Variants in MACF1 observed in about 807,000 individuals in gnomAD.
MACF1 encodes microtubule-actin cross-linking factor 1.
In MACF1, 193 loss-of-function variants were observed where a neutral mutation model predicts 854.8. The ratio of observed to expected loss-of-function variants is 0.23; its 90% CI spans 0.20 to 0.25. The LOEUF (loss-of-function observed/expected upper bound fraction) is 0.25. Ranked by LOEUF, MACF1 falls within the 10% of genes least tolerant of loss-of-function variation. MACF1 has a pLI of 1.00. For synonymous variants in MACF1, 3,185 were observed against 3,226.7 expected (o/e 0.99, Z 0.44); for missense variants, 7,722 against 8,929.1 (o/e 0.86, Z 5.45).
intron 2 of MACF1, among the ~76,000 whole-genome samples, chr1:39,188,535 T>C (rs979707027): frequency 3.9e-5 from 6 of 152,186 alleles, no homozygotes; most frequent in Admixed American, 3.3e-4. Context: ...CAGTCTCCCA[T>C]CTGGGGGCCA....
intron 36 of MACF1, 36 bp from the exon 37 acceptor site, chr1:39,331,167 T>C: frequency 1.4e-6 from 2 of 1,458,602 alleles, no homozygotes; most frequent in Non-Finnish European, 1.8e-6. Context: ...TTTTCTTCTC[T>C]TTTCCTTTTT....
chr1:39,234,309 C>T (rs1256829929), intron 2 of MACF1, among the ~76,000 whole-genome samples: 5 of 152,018 alleles, frequency 3.3e-5, no homozygotes, highest in African/African-American at 9.7e-5. Context: ...GTTGGGCACA[C>T]CTCCCAGACG....
chr1:39,129,664 GC>G (rs757624136), intron 2 of MACF1, among the ~76,000 whole-genome samples: 1 of 152,188 alleles, frequency 6.6e-6, no homozygotes, highest in Non-Finnish European at 1.5e-5. Context: ...GGACCTCCTT[GC>G]ATTTGCCAGT....
chr1:39,129,198 G>A (rs569241595), intron 2 of MACF1, among the ~76,000 whole-genome samples: 6 of 152,274 alleles, frequency 3.9e-5, no homozygotes, highest in South Asian at 2.1e-4. Flanking sequence ...AGAACTGCCC[G>A]TAAATGAAAT....
chr1:39,466,521 C>T (rs938066771), intron 95 of MACF1, among the ~76,000 whole-genome samples: 5 of 152,226 alleles, frequency 3.3e-5, no homozygotes, highest in Non-Finnish European at 7.3e-5. Context: ...GTGGTTCCTT[C>T]CTGATTCACC....
At chr1:39,446,154 A>G (rs1416280675) in intron 80 of MACF1, among the ~76,000 whole-genome samples, 2 of 152,338 alleles carry the variant, frequency 1.3e-5, no homozygotes, top group East Asian at 3.9e-4. Flanking sequence ...GCTGAGTGTC[A>G]AGGATAGTTT....
chr1:39,439,771 A>C (rs555194124), intron 72 of MACF1, among the ~76,000 whole-genome samples: 1 of 152,050 alleles, frequency 6.6e-6, no homozygotes, highest in African/African-American at 2.4e-5. Flanking sequence ...ATGCCTGGCT[A>C]ATTTTTGTAT....
chr1:39,390,025 A>C (rs1222356886), intron 58 of MACF1, among the ~76,000 whole-genome samples: 2 of 152,232 alleles, frequency 1.3e-5, no homozygotes, highest in Admixed American at 6.5e-5. Context: ...AGATGATTAC[A>C]TGACCCAAAA....
intron 4 of MACF1, 36 bp downstream of exon 4, chr1:39,251,977 C>T: frequency 7.2e-7 from 1 of 1,385,436 alleles, no homozygotes; most frequent in Non-Finnish European, 9.6e-7. Context: ...TCCCAGCTGG[C>T]ACTGCTGGCA....
Position 39,333,779 on chromosome 1 carries a change from A to G in MACF1, c.7191A>G (p.Thr2397=), listed in dbSNP as rs1646767242. ...CAGTTGGACTTCTTGACAAGGAAAC[A>G]GCCACCAGAATTTTAGAGAGGCAGG... ...AVTVGLLDKE[T]ATRILERQVV... is the part of the protein sequence containing the mutation. The change falls in exon 37 of 101, where the codon ACA becomes ACG. Residue 2397 remains threonine (T), a synonymous_variant. Coordinates refer to ENST00000564288, the MANE Select transcript of MACF1 (RefSeq NM_001394062.1). The G allele has an allele frequency of 1.2e-6, 2 of 1,614,236 alleles. No individual in the cohort carries two copies. Among genetic ancestry groups the G allele is most frequent in the Non-Finnish European group, 1.7e-6 (2 of 1,180,026 alleles).
Position 39,372,578 on chromosome 1 carries a change from G to T in MACF1, c.13195G>T (p.Asp4399Tyr). ...ENLIMEITAP[D>Y]SQGKTGSILP... ...TCTCATCATGGAAATCACAGCACCT[G>T]ATTCCCAAGGCAAGACAGGTGAGTA... The change falls in exon 52 of 101, where the codon GAT becomes TAT. Residue 4399 changes from aspartate (D) to tyrosine (Y), a missense_variant. By Grantham distance (160) the Asp-to-Tyr change is radical. Transcript: ENST00000564288. The T allele has an allele frequency of 6.2e-7, 1 of 1,612,140 alleles. No individual in the cohort carries two copies. The highest frequency in any genetic ancestry group is 1.1e-5 in the South Asian group (1 of 90,990).
intron 1 of MACF1, among the ~76,000 whole-genome samples, chr1:39,222,982 ACT>A (rs903227509): frequency 1.3e-5 from 2 of 152,126 alleles, no homozygotes; most frequent in Non-Finnish European, 2.9e-5. Context: ...CGTCAGGCCT[ACT>A]CTCAAATTTC....
rs182067949 is a variant in MACF1, at chr1:39,342,391, T to C, written c.10581+1438T>C. ...ACATGTGTCTTTATGATAGAATGAT[T>C]TACATTCCTTTGGGTATATACCCAA... is the stretch of plus-strand genomic sequence containing the variant. On this transcript the variant is annotated intron_variant, in intron 40 of 100. Coordinates refer to ENST00000564288, the MANE Select transcript of MACF1 (RefSeq NM_001394062.1). 4.7e-4 allele frequency among the ~76,000 whole-genome samples: 71 copies of C among 152,244 alleles called. 1 individual carries two copies. Among genetic ancestry groups the C allele is most frequent in the South Asian group, 3.9e-3 (19 of 4,824 alleles).
intron 18 of MACF1, among the ~76,000 whole-genome samples, chr1:39,294,766 C>T (rs1246892396): frequency 2.0e-5 from 3 of 152,196 alleles, no homozygotes; most frequent in Admixed American, 2.0e-4. Context: ...CTGTCCACTC[C>T]AGCCAAGTTA....
intron 2 of MACF1, among the ~76,000 whole-genome samples, chr1:39,102,316 GACAA>G (rs1040008290): frequency 1.4e-4 from 21 of 152,082 alleles, no homozygotes; most frequent in Non-Finnish European, 1.2e-4. Flanking sequence ...TGAATTAGAC[GACAA>G]ACAGTCTCAG....
chr1:39,382,695 A>T (rs12563596), intron 56 of MACF1, among the ~76,000 whole-genome samples: 3,717 of 150,914 alleles, frequency 0.025, 118 homozygotes, highest in East Asian at 0.17. Flanking sequence ...AAAAAAAAAA[A>T]TTTTTTTTTA....
In MACF1 at chr1:39,430,831, G is replaced by A. The variant is rs772083373; in HGVS notation, c.17260G>A (p.Glu5754Lys). ...GLDKLVSDAN[E>K]QYKLVSDTIG... ...GGATAAACTTGTGTCCGATGCTAACGAGCAGTACAAACTAGTCAGTGACAC... is the reference window on the plus strand; with the variant it reads ...GGATAAACTTGTGTCCGATGCTAACAAGCAGTACAAACTAGTCAGTGACAC... The change falls in exon 66 of 101, where the codon GAG becomes AAG. Residue 5754 changes from glutamate to lysine, a missense_variant. Around this residue, in one of 15 missense-constraint regions of MACF1, gnomAD observed 2,807 missense variants for 3,235.8 expected, o/e 0.87. Coordinates refer to ENST00000564288, the MANE Select transcript of MACF1 (RefSeq NM_001394062.1). 7.4e-6 allele frequency: 12 copies of A among 1,612,628 alleles called. No homozygotes were observed. Among genetic ancestry groups the A allele is most frequent in the East Asian group, 2.2e-5 (1 of 44,900 alleles).
At chr1:39,427,808 C>T (rs547163234) in intron 62 of MACF1, among the ~76,000 whole-genome samples, 153 bp from the exon 63 acceptor site, 5 of 152,276 alleles carry the variant, frequency 3.3e-5, no homozygotes, top group African/African-American at 9.6e-5. Flanking sequence ...CCGGAATAAA[C>T]AGCTTTTGTT....
At chr1:39,211,023 G>A (rs1270428188) in intron 1 of MACF1, among the ~76,000 whole-genome samples, 2 of 149,206 alleles carry the variant, frequency 1.3e-5, no homozygotes, top group Non-Finnish European at 3.0e-5. Context: ...CTGGAGTGCA[G>A]TGGCATAATC....
Sources: allele counts gnomAD v4.1 joint callset (sites outside exome capture counted in the v4.1 genomes callset), GRCh38; gene constraint gnomAD v4.1.1; regional missense constraint gnomAD v4.1.1; transcripts MANE v1.5; gene names NCBI Gene and HGNC (gene_info 2026-07-23, HGNC 2026-07-21).